Variants in SGCZ observed in about 807,000 individuals in gnomAD.
SGCZ encodes zeta-sarcoglycan.
SGCZ carries 40 observed loss-of-function variants against 41.3 expected under a neutral mutation model. The observed-to-expected ratio is 0.97, with a 90% CI of 0.75 to 1.26. The LOEUF is 1.26. Ranked by LOEUF, SGCZ falls within the 50% of genes most tolerant of loss-of-function variation. The probability of loss-of-function intolerance (pLI) is 0.00; values close to 1 mark genes in which losing one functional copy is unlikely to be tolerated. For missense variants in SGCZ, 552 were observed against 369.8 expected, an observed-to-expected ratio of 1.49 and a Z score of -4.04; for synonymous variants, 206 against 137.5, an observed-to-expected ratio of 1.50 and a Z score of -3.49.
chr8:14,995,951 T>G (rs1802201646), intron 1 of SGCZ, among the ~76,000 whole-genome samples: 1 of 152,050 alleles, frequency 6.6e-6, no homozygotes, highest in African/African-American at 2.4e-5. Context: ...TTGTCCGGGG[T>G]GGAGTGCAGT....
intron 5 of SGCZ, among the ~76,000 whole-genome samples, chr8:14,152,426 G>A (rs2116954773): frequency 6.6e-6 from 1 of 152,258 alleles, no homozygotes; most frequent in Middle Eastern, 3.4e-3. Context: ...CTATATGGGT[G>A]GATGAGCTGG....
intron 1 of SGCZ, among the ~76,000 whole-genome samples, chr8:15,121,900 C>CAA (rs55783598): frequency 0.054 from 6,820 of 126,168 alleles, 324 homozygotes; most frequent in African/African-American, 0.13. Flanking sequence ...CGGCAGTTAC[C>CAA]AAAAAAAAAA....
At chr8:14,507,622 C>T (rs980190002) in intron 2 of SGCZ, among the ~76,000 whole-genome samples, 1 of 152,132 alleles carries the variant, frequency 6.6e-6, no homozygotes, top group African/African-American at 2.4e-5. Context: ...ATACCTGGAA[C>T]TTGGCAGTGA....
intron 2 of SGCZ, among the ~76,000 whole-genome samples, chr8:14,326,490 G>GT (rs1229297519): frequency 1.3e-5 from 2 of 152,278 alleles, no homozygotes; most frequent in East Asian, 3.9e-4. Context: ...TGACCACAGA[G>GT]TAAGAGGGAC....
At chr8:15,193,676 C>A (rs487505) in intron 1 of SGCZ, among the ~76,000 whole-genome samples, 1 of 151,256 alleles carries the variant, frequency 6.6e-6, no homozygotes, top group African/African-American at 2.5e-5. Flanking sequence ...CAATTTCTTA[C>A]AATTCTCTGT....
chr8:15,134,583 C>G (rs1808041103), intron 1 of SGCZ, among the ~76,000 whole-genome samples: 1 of 152,078 alleles, frequency 6.6e-6, no homozygotes, highest in South Asian at 2.1e-4. Flanking sequence ...TGATCACAAA[C>G]TTTGAAGAAC....
intron 5 of SGCZ, among the ~76,000 whole-genome samples, chr8:14,148,619 A>T (rs190704705): frequency 6.6e-6 from 1 of 152,284 alleles, no homozygotes; most frequent in Non-Finnish European, 1.5e-5. Context: ...TTTAAAGAGG[A>T]ATGAATACCA....
At chr8:14,207,370 G>C (rs1209970832) in intron 4 of SGCZ, among the ~76,000 whole-genome samples, 1 of 152,156 alleles carries the variant, frequency 6.6e-6, no homozygotes, top group African/African-American at 2.4e-5. Flanking sequence ...TGCCATGACA[G>C]AGTAGCATTA....
chr8:14,791,790 T>C (rs565440256), intron 1 of SGCZ, among the ~76,000 whole-genome samples: 2 of 152,316 alleles, frequency 1.3e-5, no homozygotes, highest in Admixed American at 1.3e-4. Context: ...TGAGCAGTTC[T>C]GAATCATCAG....
chr8:15,196,064 A>G (rs1800719917), intron 1 of SGCZ, among the ~76,000 whole-genome samples: 2 of 146,528 alleles, frequency 1.4e-5, no homozygotes, highest in African/African-American at 5.1e-5. Flanking sequence ...CGCCCGGCTA[A>G]TTTTTTGTAT....
In SGCZ at chr8:14,115,348, T is replaced by G. The variant is rs144783497; in HGVS notation, c.548-7113A>C. Among the ~76,000 whole-genome samples the G allele has an allele frequency of 2.1e-3, 319 of 152,134 alleles. 1 individual carries two copies. The highest frequency in any genetic ancestry group is 7.1e-3 in the African/African-American group (294 of 41,552). Reference sequence around the variant, plus strand: ...TATTTGATTCAATTTACAGCTTCATTATAAACATTATAATTTTAACGAGTT... The same window carrying G: ...TATTTGATTCAATTTACAGCTTCATGATAAACATTATAATTTTAACGAGTT... On this transcript the variant is annotated intron_variant, in intron 5 of 7. Transcript: ENST00000382080.
chr8:15,021,017 C>A (rs971049067), intron 1 of SGCZ, among the ~76,000 whole-genome samples: 1 of 152,132 alleles, frequency 6.6e-6, no homozygotes, highest in East Asian at 1.9e-4. Flanking sequence ...CATTTATGTA[C>A]AGAAACTTTA....
chr8:14,764,317 C>T (rs557852340), intron 1 of SGCZ, among the ~76,000 whole-genome samples: 29 of 152,264 alleles, frequency 1.9e-4, no homozygotes, highest in African/African-American at 5.1e-4. Flanking sequence ...GACTGATACA[C>T]GATCTTAAAG....
chr8:14,780,111 C>T lies in SGCZ; in HGVS notation c.40-225185G>A, dbSNP rs1383740000. On this transcript the variant is annotated intron_variant, in intron 1 of 7. Coordinates refer to ENST00000382080, the MANE Select transcript of SGCZ (RefSeq NM_139167.4). ...AAATACGGCCGGGCGCAGTGGCTCA[C>T]GCCTGTAATCCCAGCACTTTGGGAG... 2.6e-5 allele frequency among the ~76,000 whole-genome samples: 4 copies of T among 152,086 alleles called. No individual in the cohort carries two copies. In the East Asian group the frequency reaches 5.8e-4, roughly 22 times the overall value.
rs1382326609 is a variant in SGCZ, at chr8:15,171,881, C to T, written c.39+65704G>A. Reference sequence around the variant, plus strand: ...TTCATTGCCAAACGAGCTGTCTTCACCTAAATGGCTTGTAACCTATATTCA... The same window carrying T: ...TTCATTGCCAAACGAGCTGTCTTCATCTAAATGGCTTGTAACCTATATTCA... On this transcript the variant is annotated intron_variant, in intron 1 of 7. Coordinates refer to ENST00000382080, the MANE Select transcript of SGCZ (RefSeq NM_139167.4). 2.6e-5 allele frequency among the ~76,000 whole-genome samples: 4 copies of T among 152,210 alleles called. No homozygotes were observed. In the East Asian group the frequency reaches 5.8e-4, roughly 22 times the overall value.
At chr8:14,431,517 CT>C (rs1799941600) in intron 2 of SGCZ, among the ~76,000 whole-genome samples, 1 of 152,150 alleles carries the variant, frequency 6.6e-6, no homozygotes, top group African/African-American at 2.4e-5. Context: ...ATCTTCACCT[CT>C]CACCTTATAC....
At chr8:14,424,678 A>C (rs1799729003) in intron 2 of SGCZ, among the ~76,000 whole-genome samples, 1 of 152,198 alleles carries the variant, frequency 6.6e-6, no homozygotes, top group African/African-American at 2.4e-5. Context: ...TATATCATTT[A>C]ACCAATCATC....
intron 3 of SGCZ, among the ~76,000 whole-genome samples, chr8:14,261,510 G>C (rs1467942581): frequency 6.6e-6 from 1 of 152,100 alleles, no homozygotes; most frequent in Non-Finnish European, 1.5e-5. Context: ...CCCTTTGAAA[G>C]TTTTGCTGAA....
At chr8:15,132,721 G>C (rs894111685) in intron 1 of SGCZ, among the ~76,000 whole-genome samples, 1 of 152,196 alleles carries the variant, frequency 6.6e-6, no homozygotes, top group Non-Finnish European at 1.5e-5. Flanking sequence ...TTGGTAGCTT[G>C]AGATTAGTCA....
Sources: gnomAD v4.1 joint callset for allele counts (sites outside exome capture counted in the v4.1 genomes callset) on GRCh38, gnomAD v4.1.1 for gene constraint, MANE v1.5 for transcripts, NCBI Gene and HGNC (gene_info 2026-07-23, HGNC 2026-07-21) for gene names.